The following COG6 variants were observed in gnomAD, a reference collection of about 807,000 sequenced individuals.
COG6 encodes the protein component of oligomeric golgi complex 6.
A neutral mutation model predicts 88.8 loss-of-function variants in COG6; 74 were observed. The ratio of observed to expected loss-of-function variants is 0.83; its 90% CI spans 0.69 to 1.01. COG6 has a LOEUF of 1.01. COG6 is among the 50% of genes least tolerant of loss of function. The pLI is 0.00. For synonymous variants in COG6, 286 were observed against 278.7 expected (o/e 1.03, Z -0.26); for missense variants, 800 against 797.9 (o/e 1.00, Z -0.03).
intron 7 of COG6, 118 bp downstream of exon 7, chr13:39,680,163 A>C: frequency 1.5e-6 from 1 of 648,136 alleles, no homozygotes; most frequent in Non-Finnish European, 2.7e-6. Context: ...TTTTAAAAAT[A>C]AAAATAGTAT....
intron 15 of COG6, among the ~76,000 whole-genome samples, chr13:39,721,112 G>T (rs1175825408): frequency 6.6e-6 from 1 of 151,844 alleles, no homozygotes; most frequent in Non-Finnish European, 1.5e-5. Flanking sequence ...TTATGTATTT[G>T]TCACTAATTC....
rs575651952 is a variant in COG6, at chr13:39,752,257, A to C, written c.*1164A>C. On this transcript the variant is annotated 3_prime_UTR_variant, in exon 19 of 19. Coordinates refer to ENST00000455146, the MANE Select transcript of COG6 (RefSeq NM_020751.3). ...AATAACTAGTTTGAAATATTTTGAA[A>C]AGTAATAACATAAAACTAGTATTTG... The C allele has an allele frequency of 1.0e-6, 1 of 968,154 alleles. No individual in the cohort carries two copies. The highest frequency in any genetic ancestry group is 1.4e-6 in the Non-Finnish European group (1 of 740,430). 60.0% of individuals were successfully genotyped at this position (968,154 alleles called of 1,614,324 possible). A position where few individuals can be genotyped will look rare whatever the true frequency, so the allele number is the denominator to read the frequency against.
chr13:39,727,842 CAT>C (rs1879220787), intron 18 of COG6, among the ~76,000 whole-genome samples: 1 of 151,998 alleles, frequency 6.6e-6, no homozygotes. Context: ...CGTTAACAAA[CAT>C]GTCAGAATAA....
intron 13 of COG6, among the ~76,000 whole-genome samples, chr13:39,717,720 C>T (rs926317223): frequency 7.9e-5 from 12 of 151,846 alleles, no homozygotes; most frequent in African/African-American, 2.4e-4. Context: ...AGAAAATTAG[C>T]GAGGCTTGGT....
downstream of COG6, among the ~76,000 whole-genome samples, chr13:39,753,647 TC>T (rs1191259371): frequency 6.6e-6 from 1 of 152,122 alleles, no homozygotes; most frequent in Non-Finnish European, 1.5e-5. Flanking sequence ...TATCTCTCTT[TC>T]TATGACAGGA....
intron 18 of COG6, among the ~76,000 whole-genome samples, chr13:39,731,599 A>T (rs1407269289): frequency 6.6e-6 from 1 of 152,242 alleles, no homozygotes; most frequent in African/African-American, 2.4e-5. Context: ...GAGAATGCAG[A>T]TGCTTCCTAA....
At chr13:39,783,032 T>C (rs1881675077) in intron 18 of COG6, among the ~76,000 whole-genome samples, 1 of 152,206 alleles carries the variant, frequency 6.6e-6, no homozygotes, top group Non-Finnish European at 1.5e-5. Flanking sequence ...TCTATACATA[T>C]ATTATAGTTC....
intron 18 of COG6, among the ~76,000 whole-genome samples, chr13:39,766,153 C>T (rs1881158872): frequency 6.6e-6 from 1 of 152,202 alleles, no homozygotes; most frequent in African/African-American, 2.4e-5. Context: ...ATCTGCCTGT[C>T]AGTTGAGCAG....
At chr13:39,774,392 C>T (rs577041002) in intron 18 of COG6, among the ~76,000 whole-genome samples, 112 of 152,184 alleles carry the variant, frequency 7.4e-4, no homozygotes, top group African/African-American at 2.2e-3. Context: ...GTATTTGTTA[C>T]AACTGATGCT....
intron 15 of COG6, among the ~76,000 whole-genome samples, chr13:39,720,468 A>G (rs1878793961): frequency 6.6e-6 from 1 of 152,250 alleles, no homozygotes; most frequent in South Asian, 2.1e-4. Flanking sequence ...GTTCTGTGCT[A>G]TCACACATAT....
At chr13:39,788,506 T>C in exon 19 of COG6, 1 of 697,542 alleles carries the variant, frequency 1.4e-6, no homozygotes, top group Non-Finnish European at 2.5e-6. Flanking sequence ...TGACTCTTCA[T>C]CTGGTGGAAA....
chr13:39,672,016 A>G (rs913343523), intron 4 of COG6, among the ~76,000 whole-genome samples: 19 of 151,982 alleles, frequency 1.3e-4, no homozygotes, highest in African/African-American at 4.1e-4. Flanking sequence ...CTACACAGAA[A>G]ACTTTTCAAC....
intron 1 of COG6, among the ~76,000 whole-genome samples, chr13:39,656,565 G>C (rs996405518): frequency 6.6e-6 from 1 of 152,066 alleles, no homozygotes; most frequent in Non-Finnish European, 1.5e-5. Flanking sequence ...TTCTGTCTCT[G>C]TGGGTCGCTA....
chr13:39,709,330 G>A (rs1464181810), intron 13 of COG6, among the ~76,000 whole-genome samples: 1 of 151,848 alleles, frequency 6.6e-6, no homozygotes, highest in East Asian at 1.9e-4. Flanking sequence ...AGATACTAAT[G>A]CAGTCATGTT....
chr13:39,668,292 T>C (rs2137962823), intron 4 of COG6, among the ~76,000 whole-genome samples: 1 of 152,258 alleles, frequency 6.6e-6, no homozygotes, highest in South Asian at 2.1e-4. Context: ...ATATCCCAGG[T>C]ATTTTTATGC....
intron 13 of COG6, among the ~76,000 whole-genome samples, chr13:39,702,208 C>T (rs1877620698): frequency 6.6e-6 from 1 of 151,786 alleles, no homozygotes; most frequent in Non-Finnish European, 1.5e-5. Context: ...AACGTGTTGC[C>T]AGGCCTAGTT....
At chr13:39,761,892 A>G (rs1345148170) in intron 18 of COG6, among the ~76,000 whole-genome samples, 2 of 151,888 alleles carry the variant, frequency 1.3e-5, no homozygotes, top group Non-Finnish European at 3.0e-5. Context: ...ACAAGAATGC[A>G]CAGAAATGGG....
At chr13:39,721,597 G>C (rs535018082) in intron 15 of COG6, among the ~76,000 whole-genome samples, 1 of 152,208 alleles carries the variant, frequency 6.6e-6, no homozygotes, top group African/African-American at 2.4e-5. Context: ...AGTGCTGTCA[G>C]CCAAGACTGG....
intron 4 of COG6, among the ~76,000 whole-genome samples, chr13:39,672,331 G>A (rs534845789): frequency 5.3e-5 from 8 of 151,798 alleles, no homozygotes; most frequent in Non-Finnish European, 1.2e-4. Flanking sequence ...ATAGTTTATT[G>A]GTTTTAGTAT....
Sources: gnomAD v4.1 joint callset for allele counts (sites outside exome capture counted in the v4.1 genomes callset) on GRCh38, gnomAD v4.1.1 for gene constraint, MANE v1.5 for transcripts, NCBI Gene and HGNC (gene_info 2026-07-23, HGNC 2026-07-21) for gene names.